Variants in FGF12 observed in about 807,000 individuals in gnomAD.
FGF12 encodes fibroblast growth factor 12B.
Under a neutral mutation model 23.6 loss-of-function variants are expected in FGF12, and 14 were observed. The ratio of observed to expected loss-of-function variants is 0.59; its 90% CI spans 0.39 to 0.93. The LOEUF is 0.93. Ranked by LOEUF, FGF12 falls within the 40% of genes least tolerant of loss-of-function variation. The probability of loss-of-function intolerance (pLI) is 0.00; values close to 1 mark genes in which losing one functional copy is unlikely to be tolerated. For missense variants in FGF12, 175 were observed against 217.8 expected (o/e 0.80, Z 1.24); for synonymous variants, 62 against 77.3 (o/e 0.80, Z 1.04).
At chr3:192,453,164 G>T (rs1722577315) in intron 2 of FGF12, among the ~76,000 whole-genome samples, 1 of 151,912 alleles carries the variant, frequency 6.6e-6, no homozygotes, top group African/African-American at 2.4e-5. Flanking sequence ...CTTCATATAT[G>T]TCTCCCTTTT....
At chr3:192,686,571 G>A (rs1262130088) in intron 2 of FGF12, among the ~76,000 whole-genome samples, 1 of 152,004 alleles carries the variant, frequency 6.6e-6, no homozygotes, top group African/African-American at 2.4e-5. Context: ...GCTATTTGAA[G>A]TGGGTTACTT....
At position 192,338,513 on chromosome 3, in the gene FGF12, C is replaced by T. The variant is rs757865429; in HGVS notation, c.125-3049G>A. 1.6e-4 allele frequency among the ~76,000 whole-genome samples: 24 copies of T among 152,170 alleles called. 1 individual carries two copies. Among genetic ancestry groups the T allele is most frequent in the Non-Finnish European group, 3.5e-4 (24 of 68,034 alleles). ...TCATTATAAGCTTGAGGAATCCTTC[C>T]TTAAAGACAGCATAAAGGTGTCCTT... On this transcript the variant is annotated intron_variant, in intron 3 of 5. Coordinates refer to ENST00000445105, the MANE Select transcript of FGF12 (RefSeq NM_004113.6).
At chr3:192,286,240 C>T (rs945454504) in intron 4 of FGF12, among the ~76,000 whole-genome samples, 3 of 151,956 alleles carry the variant, frequency 2.0e-5, no homozygotes, top group Non-Finnish European at 4.4e-5. Flanking sequence ...CTGTTGGCGC[C>T]CATCAGAGAG....
intron 2 of FGF12, among the ~76,000 whole-genome samples, chr3:192,376,014 T>A (rs1240984475): frequency 6.6e-6 from 1 of 152,158 alleles, no homozygotes; most frequent in Admixed American, 6.5e-5. Flanking sequence ...GTTTTAAGAA[T>A]CCACATGATG....
chr3:192,192,755 T>G (rs1716859261), intron 4 of FGF12, among the ~76,000 whole-genome samples: 1 of 152,128 alleles, frequency 6.6e-6, no homozygotes, highest in Admixed American at 6.6e-5. Context: ...TCTATATTGT[T>G]GCATTAAGTC....
chr3:192,449,985 C>G (rs1722471971), intron 2 of FGF12, among the ~76,000 whole-genome samples: 1 of 152,170 alleles, frequency 6.6e-6, no homozygotes, highest in African/African-American at 2.4e-5. Flanking sequence ...ATCCACATTA[C>G]AATGAATAAT....
rs967381738 is a variant in FGF12 at position 192,377,584 on chromosome 3, G to A, written c.14-17046C>T. 1.9e-4 allele frequency among the ~76,000 whole-genome samples: 29 copies of A among 152,218 alleles called. 1 individual carries two copies. In the South Asian group the frequency reaches 5.8e-3, roughly 31 times the overall value. ...CTCTAACAAGTAGAACATTATGGGG[G>A]TAACATTAAAACTATAATATTCAAA... On this transcript the variant is annotated intron_variant, in intron 2 of 5. Coordinates refer to ENST00000445105, the MANE Select transcript of FGF12 (RefSeq NM_004113.6).
chr3:192,430,115 A>G lies in FGF12; in HGVS notation c.14-69577T>C, dbSNP rs115367921. Among the ~76,000 whole-genome samples, 494 of 152,206 alleles carry G rather than the reference A, an allele frequency of 3.2e-3. 3 individuals are homozygous for G. The highest frequency in any genetic ancestry group is 0.011 in the African/African-American group (470 of 41,512). ...CATATTCACAATAGCTAAAAAGTGG[A>G]AGCAACTCAATGTCCATTGATGGAA... On this transcript the variant is annotated intron_variant, in intron 2 of 5. Transcript: ENST00000445105.
Position 192,576,198 on chromosome 3 carries a change from G to A in FGF12, c.13+150983C>T, listed in dbSNP as rs534150542. 1.3e-3 allele frequency among the ~76,000 whole-genome samples: 201 copies of A among 152,152 alleles called. 1 individual carries two copies. The highest frequency in any genetic ancestry group is 4.6e-3 in the African/African-American group (189 of 41,492). Reference sequence around the variant, plus strand: ...AGAAAAATAATGAATGTTGCCTTTGGGTTAGAAAAGTACAGCACAGGGAAA... The same window carrying A: ...AGAAAAATAATGAATGTTGCCTTTGAGTTAGAAAAGTACAGCACAGGGAAA... On this transcript the variant is annotated intron_variant, in intron 2 of 5. Coordinates refer to ENST00000445105, the MANE Select transcript of FGF12 (RefSeq NM_004113.6).
chr3:192,415,076 A>T (rs1401605018), intron 2 of FGF12, among the ~76,000 whole-genome samples: 1 of 152,182 alleles, frequency 6.6e-6, no homozygotes, highest in Non-Finnish European at 1.5e-5. Flanking sequence ...AAAGAAGCTT[A>T]TAAGGGGAAA....
intron 2 of FGF12, chr3:192,672,846 C>G (rs2108696772): frequency 6.6e-6 from 1 of 150,986 alleles, no homozygotes; most frequent in African/African-American, 2.4e-5. Context: ...CTCTCCTGTT[C>G]AACTCAATTT....
At chr3:192,676,439 T>C (rs1717330128) in intron 2 of FGF12, among the ~76,000 whole-genome samples, 1 of 152,224 alleles carries the variant, frequency 6.6e-6, no homozygotes, top group Non-Finnish European at 1.5e-5. Flanking sequence ...GCTGGCAAAT[T>C]AGAGGTAGAC....
At chr3:192,442,192 T>G (rs1159810285) in intron 2 of FGF12, among the ~76,000 whole-genome samples, 3 of 152,164 alleles carry the variant, frequency 2.0e-5, no homozygotes, top group African/African-American at 7.2e-5. Flanking sequence ...TCAAGCTCAG[T>G]GGGCAGGGAA....
intron 4 of FGF12, among the ~76,000 whole-genome samples, chr3:192,333,647 A>G (rs73066602): frequency 0.021 from 3,154 of 152,236 alleles, 91 homozygotes; most frequent in African/African-American, 0.061. Context: ...AGGAGTAAAA[A>G]AAATAATTGT....
chr3:192,574,858 G>C (rs968527385), intron 2 of FGF12, among the ~76,000 whole-genome samples: 3 of 152,204 alleles, frequency 2.0e-5, no homozygotes, highest in Non-Finnish European at 2.9e-5. Context: ...TCTCATGAGA[G>C]ACCCTGAACC....
At chr3:192,714,093 G>A (rs183966744) in intron 2 of FGF12, among the ~76,000 whole-genome samples, 2 of 152,274 alleles carry the variant, frequency 1.3e-5, no homozygotes, top group Admixed American at 1.3e-4. Context: ...ATGCCAGGTA[G>A]TGTGGTAAAT....
chr3:192,445,802 G>A (rs1722336721), intron 2 of FGF12, among the ~76,000 whole-genome samples: 2 of 152,176 alleles, frequency 1.3e-5, no homozygotes, highest in South Asian at 4.1e-4. Context: ...ACGGCCACCA[G>A]AAAACAAACC....
At chr3:192,651,337 T>C (rs1019177450) in intron 2 of FGF12, among the ~76,000 whole-genome samples, 1 of 152,076 alleles carries the variant, frequency 6.6e-6, no homozygotes, top group Non-Finnish European at 1.5e-5. Flanking sequence ...TCCTCTTCTG[T>C]AAAATTAGGG....
At chr3:192,435,512 T>C (rs1361645767) in intron 2 of FGF12, among the ~76,000 whole-genome samples, 1 of 152,168 alleles carries the variant, frequency 6.6e-6, no homozygotes, top group African/African-American at 2.4e-5. Flanking sequence ...GGCGATCCAT[T>C]TTGACCATGT....
Sources: gnomAD v4.1 joint callset for allele counts (sites outside exome capture counted in the v4.1 genomes callset) on GRCh38, gnomAD v4.1.1 for gene constraint, MANE v1.5 for transcripts, NCBI Gene and HGNC (gene_info 2026-07-23, HGNC 2026-07-21) for gene names.